The following SGCZ variants were observed in gnomAD, a reference collection of about 807,000 sequenced individuals.
The protein encoded by SGCZ is zeta-sarcoglycan.
A neutral mutation model predicts 41.3 loss-of-function variants in SGCZ; 40 were observed. The ratio of observed to expected loss-of-function variants is 0.97; its 90% CI spans 0.75 to 1.26. The LOEUF is 1.26. Ranked by LOEUF, SGCZ falls within the 50% of genes most tolerant of loss-of-function variation. The pLI is 0.00. For synonymous variants in SGCZ, 206 were observed against 137.5 expected (o/e 1.50, Z -3.49); for missense variants, 552 against 369.8 (o/e 1.49, Z -4.04).
chr8:14,390,626 T>C (rs1320227719), intron 2 of SGCZ, among the ~76,000 whole-genome samples: 1 of 151,986 alleles, frequency 6.6e-6, no homozygotes, highest in Non-Finnish European at 1.5e-5. Flanking sequence ...ATGTAGATTT[T>C]ACTATATACA....
chr8:14,780,268 G>T (rs7843005), intron 1 of SGCZ, among the ~76,000 whole-genome samples: 16,437 of 151,406 alleles, frequency 0.11, 1,319 homozygotes, highest in East Asian at 0.23. Context: ...CCAGCTACTC[G>T]GGAGGCTGAG....
chr8:14,265,787 TA>T lies in SGCZ; in HGVS notation c.337-28109del, dbSNP rs373563218. Among the ~76,000 whole-genome samples the T allele has an allele frequency of 1.2e-3, 179 of 148,778 alleles. 3 individuals are homozygous for T. The highest frequency in any genetic ancestry group is 4.1e-3 in the African/African-American group (165 of 40,476). On this transcript the variant is annotated intron_variant, in intron 3 of 7. Transcript: ENST00000382080. Reference sequence around the variant, plus strand: ...ACTTAACAGAGAGAATGAAATAAATTAAAAAAAAATCACACAGAAATCCTAG... The same window carrying T: ...ACTTAACAGAGAGAATGAAATAAATTAAAAAAAATCACACAGAAATCCTAG...
intron 1 of SGCZ, among the ~76,000 whole-genome samples, chr8:14,571,299 C>T (rs1804545589): frequency 1.3e-5 from 2 of 152,162 alleles, no homozygotes; most frequent in South Asian, 4.1e-4. Flanking sequence ...AAGAGGAGTA[C>T]AGTTTGAGAA....
At chr8:14,277,745 T>C (rs1437432319) in intron 3 of SGCZ, among the ~76,000 whole-genome samples, 2 of 152,148 alleles carry the variant, frequency 1.3e-5, no homozygotes, top group African/African-American at 4.8e-5. Flanking sequence ...TCTTGTTTCT[T>C]CACCCACTCA....
chr8:14,291,845 T>G (rs13279352), intron 3 of SGCZ, among the ~76,000 whole-genome samples: 22 of 151,638 alleles, frequency 1.5e-4, no homozygotes, highest in Admixed American at 1.4e-3. Context: ...TCAAGTCAAC[T>G]CTATCTTTGC....
chr8:14,661,107 G>A lies in SGCZ; in HGVS notation c.40-106181C>T, dbSNP rs1807733641. ...CCTTTAGCCTCAGATTCTCTTTCTA[G>A]AAATGCATTTATGGAAACATCATAC... is the stretch of plus-strand genomic sequence containing the variant. On this transcript the variant is annotated intron_variant, in intron 1 of 7. Transcript: ENST00000382080. 2.6e-5 allele frequency among the ~76,000 whole-genome samples: 4 copies of A among 151,964 alleles called. No homozygotes were observed. The South Asian group carries it at 8.3e-4, about 32-fold the overall frequency.
At chr8:14,762,193 A>C (rs1231675596) in intron 1 of SGCZ, among the ~76,000 whole-genome samples, 1 of 152,188 alleles carries the variant, frequency 6.6e-6, no homozygotes, top group Non-Finnish European at 1.5e-5. Flanking sequence ...GTATTGAAAA[A>C]TAGCTGGGAT....
chr8:14,483,906 A>T (rs1801603134), intron 2 of SGCZ, among the ~76,000 whole-genome samples: 2 of 152,144 alleles, frequency 1.3e-5, no homozygotes, highest in Admixed American at 1.3e-4. Flanking sequence ...TTTATGTATC[A>T]CCCTAACATG....
chr8:14,836,593 G>C (rs1802710343), intron 1 of SGCZ, among the ~76,000 whole-genome samples: 1 of 152,052 alleles, frequency 6.6e-6, no homozygotes, highest in African/African-American at 2.4e-5. Flanking sequence ...TCATCTCCTG[G>C]GTTCAAGTGC....
At chr8:14,424,389 A>G (rs1799719098) in intron 2 of SGCZ, among the ~76,000 whole-genome samples, 1 of 152,202 alleles carries the variant, frequency 6.6e-6, no homozygotes, top group African/African-American at 2.4e-5. Context: ...GTAACACTAC[A>G]TAAACATTGG....
chr8:14,327,656 A>G (rs1490514581), intron 2 of SGCZ, among the ~76,000 whole-genome samples: 1 of 152,110 alleles, frequency 6.6e-6, no homozygotes, highest in East Asian at 1.9e-4. Context: ...TTGATTTTGG[A>G]GTTTTCAGTC....
At chr8:14,418,987 T>C (rs1799569809) in intron 2 of SGCZ, among the ~76,000 whole-genome samples, 1 of 151,978 alleles carries the variant, frequency 6.6e-6, no homozygotes, top group Non-Finnish European at 1.5e-5. Flanking sequence ...CTAGCACTTT[T>C]GAATTCCCTT....
intron 1 of SGCZ, among the ~76,000 whole-genome samples, chr8:15,165,325 C>A (rs1189716250): frequency 6.6e-6 from 1 of 151,842 alleles, no homozygotes; most frequent in Non-Finnish European, 1.5e-5. Flanking sequence ...ATTAATTTGG[C>A]CTGAAGAAAA....
rs1802464522 is a variant in SGCZ at position 14,114,478 on chromosome 8, G to A, written c.548-6243C>T. The stretch of plus-strand genomic sequence containing the variant: ...TTCATTTAGGACTGAAAAATAAGCT[G>A]CCAGGATTTCTAAAAAGAAATTGTT... On this transcript the variant is annotated intron_variant, in intron 5 of 7. Coordinates refer to ENST00000382080, the MANE Select transcript of SGCZ (RefSeq NM_139167.4). Among the ~76,000 whole-genome samples the A allele has an allele frequency of 2.0e-5, 3 of 151,856 alleles. No homozygotes were observed. The South Asian group carries it at 6.2e-4, about 31-fold the overall frequency.
At chr8:14,807,986 T>G (rs1190391607) in intron 1 of SGCZ, among the ~76,000 whole-genome samples, 2 of 151,478 alleles carry the variant, frequency 1.3e-5, no homozygotes, top group Admixed American at 1.3e-4. Context: ...GGGGAAAGGA[T>G]TCCCTATTTA....
chr8:14,479,817 C>T (rs1801482704), intron 2 of SGCZ, among the ~76,000 whole-genome samples: 2 of 146,510 alleles, frequency 1.4e-5, no homozygotes. Flanking sequence ...ATGATCTCGG[C>T]TCACTGCAAC....
At chr8:14,875,383 TCTCAA>T (rs1307315144) in intron 1 of SGCZ, among the ~76,000 whole-genome samples, 1 of 152,086 alleles carries the variant, frequency 6.6e-6, no homozygotes, top group Non-Finnish European at 1.5e-5. Flanking sequence ...AAGGACTAGG[TCTCAA>T]CATGAATTTT....
At chr8:14,680,643 G>A (rs1017356964) in intron 1 of SGCZ, among the ~76,000 whole-genome samples, 12 of 151,804 alleles carry the variant, frequency 7.9e-5, no homozygotes, top group African/African-American at 2.9e-4. Flanking sequence ...AAGAAGGCAT[G>A]AGACTGGTGA....
chr8:14,762,004 C>T (rs1483042491), intron 1 of SGCZ, among the ~76,000 whole-genome samples: 1 of 152,078 alleles, frequency 6.6e-6, no homozygotes, highest in Admixed American at 6.6e-5. Flanking sequence ...AACTGAACTA[C>T]ACAATGGAAA....
Sources: allele counts gnomAD v4.1 joint callset (sites outside exome capture counted in the v4.1 genomes callset), GRCh38; gene constraint gnomAD v4.1.1; transcripts MANE v1.5; gene names NCBI Gene and HGNC (gene_info 2026-07-23, HGNC 2026-07-21).